Variants in MYLK observed in about 807,000 individuals in gnomAD.
MYLK encodes myosin light chain kinase, also known as myosin light chain kinase, smooth muscle.
A neutral mutation model predicts 203.4 loss-of-function variants in MYLK; 106 were observed. The ratio of observed to expected loss-of-function variants is 0.52; its 90% CI spans 0.45 to 0.61. The LOEUF is 0.61. Ranked by LOEUF, MYLK falls within the 20% of genes least tolerant of loss-of-function variation. MYLK has a pLI of 0.00. For synonymous variants in MYLK, 867 were observed against 959.5 expected, an observed-to-expected ratio of 0.90 and a Z score of 1.78; for missense variants, 2,072 against 2,442.3, an observed-to-expected ratio of 0.85 and a Z score of 3.20.
rs548470016 is a variant in MYLK, at chr3:123,881,509, G to C, written c.-186+2697C>G. On this transcript the variant is annotated intron_variant, in intron 1 of 33. Transcript: ENST00000360304. ...GTGTGGGTTGGTTTGAGCTGTGAGA[G>C]GTGCAGCTGGGCTTCCAAGTAGGCT... 1.2e-4 allele frequency among the ~76,000 whole-genome samples: 18 copies of C among 152,268 alleles called. No homozygotes were observed. In the East Asian group the frequency reaches 3.5e-3, roughly 29 times the overall value.
Position 123,784,799 on chromosome 3 carries a change from T to G in MYLK, c.165+8878A>C, listed in dbSNP as rs113761527. Reference sequence around the variant, plus strand: ...AGGTGGCTTCTGTGGATTTTCTACCTCTTGGGAGTAGTCCTATCTCCCTGA... The same window carrying G: ...AGGTGGCTTCTGTGGATTTTCTACCGCTTGGGAGTAGTCCTATCTCCCTGA... On this transcript the variant is annotated intron_variant, in intron 4 of 33. Transcript: ENST00000360304. 5.0e-3 allele frequency among the ~76,000 whole-genome samples: 762 copies of G among 152,330 alleles called. 10 individuals are homozygous for G. The highest frequency in any genetic ancestry group is 0.018 in the African/African-American group (728 of 41,574).
At chr3:123,614,783 T>C (rs1003621176) in intron 33 of MYLK, among the ~76,000 whole-genome samples, 7 of 150,932 alleles carry the variant, frequency 4.6e-5, no homozygotes, top group Non-Finnish European at 1.0e-4. Flanking sequence ...TGAGCGACCG[T>C]GCTCAGTTAA....
intron 5 of MYLK, among the ~76,000 whole-genome samples, chr3:123,740,455 C>G (rs1299681530): frequency 6.6e-6 from 1 of 152,224 alleles, no homozygotes; most frequent in African/African-American, 2.4e-5. Context: ...AAGGCCCATG[C>G]CTATCTCTTA....
chr3:123,784,697 A>G (rs1292787051), intron 4 of MYLK, among the ~76,000 whole-genome samples: 4 of 152,210 alleles, frequency 2.6e-5, no homozygotes, highest in Non-Finnish European at 4.4e-5. Context: ...TATATTGTAT[A>G]AATGTTGTTT....
chr3:123,788,582 C>T (rs1455604040), intron 4 of MYLK, among the ~76,000 whole-genome samples: 1 of 143,954 alleles, frequency 6.9e-6, no homozygotes, highest in Admixed American at 7.1e-5. Flanking sequence ...GTTCCCCTTC[C>T]TGTGTCCATG....
intron 20 of MYLK, among the ~76,000 whole-genome samples, chr3:123,680,669 G>A (rs1165976050): frequency 6.6e-6 from 1 of 152,174 alleles, no homozygotes; most frequent in Non-Finnish European, 1.5e-5. Context: ...CAACAGCCTG[G>A]CTGGGGTATG....
At chr3:123,749,798 G>T (rs1246893589) in intron 5 of MYLK, among the ~76,000 whole-genome samples, 4 of 152,228 alleles carry the variant, frequency 2.6e-5, no homozygotes, top group Non-Finnish European at 5.9e-5. Context: ...TCCATAGTTA[G>T]AAATTAGTAG....
At chr3:123,706,422 A>G (rs1464312580) in intron 16 of MYLK, among the ~76,000 whole-genome samples, 1 of 152,098 alleles carries the variant, frequency 6.6e-6, no homozygotes, top group Non-Finnish European at 1.5e-5. Flanking sequence ...GCATGGGGAG[A>G]TGATAAAGTA....
intron 2 of MYLK, among the ~76,000 whole-genome samples, chr3:123,863,721 C>T (rs569495964): frequency 2.9e-4 from 44 of 152,008 alleles, no homozygotes; most frequent in South Asian, 2.7e-3. Context: ...ATGTTGATGA[C>T]GATGTGAAGC....
intron 4 of MYLK, among the ~76,000 whole-genome samples, chr3:123,759,550 G>A (rs2063468522): frequency 6.6e-6 from 1 of 152,200 alleles, no homozygotes; most frequent in Non-Finnish European, 1.5e-5. Context: ...CCTCTCCTTT[G>A]GAGGAAGTGC....
chr3:123,791,229 G>A (rs2064767734), intron 4 of MYLK, among the ~76,000 whole-genome samples: 1 of 152,176 alleles, frequency 6.6e-6, no homozygotes, highest in African/African-American at 2.4e-5. Context: ...GCCCAATAGG[G>A]AACTGCAAGT....
intron 29 of MYLK, among the ~76,000 whole-genome samples, chr3:123,632,947 C>T (rs1321831185): frequency 1.3e-5 from 2 of 151,728 alleles, no homozygotes; most frequent in African/African-American, 4.8e-5. Context: ...AGGTGCGCGC[C>T]AACACACCTG....
chr3:123,684,380 A>G (rs573897545), intron 19 of MYLK, among the ~76,000 whole-genome samples: 25 of 152,298 alleles, frequency 1.6e-4, no homozygotes, highest in African/African-American at 5.8e-4. Flanking sequence ...AACCTAGCAG[A>G]GCCTCCCCTT....
intron 8 of MYLK, among the ~76,000 whole-genome samples, chr3:123,737,075 C>T (rs1168142010): frequency 3.3e-5 from 5 of 152,114 alleles, no homozygotes; most frequent in African/African-American, 7.2e-5. Flanking sequence ...AAAAATCAGC[C>T]GGGCGTGGTG....
intron 20 of MYLK, among the ~76,000 whole-genome samples, chr3:123,677,656 G>A (rs563217061): frequency 6.6e-6 from 1 of 151,860 alleles, no homozygotes; most frequent in South Asian, 2.1e-4. Flanking sequence ...AGGAGAAAAA[G>A]ATAGCCACAA....
At chr3:123,745,870 A>G (rs2062998035) in intron 5 of MYLK, among the ~76,000 whole-genome samples, 1 of 152,134 alleles carries the variant, frequency 6.6e-6, no homozygotes, top group East Asian at 1.9e-4. Flanking sequence ...TTTTTTACGT[A>G]TTTTTGAGAT....
chr3:123,771,536 T>C (rs2063883785), intron 4 of MYLK, among the ~76,000 whole-genome samples: 1 of 152,214 alleles, frequency 6.6e-6, no homozygotes, highest in Non-Finnish European at 1.5e-5. Flanking sequence ...TCCTTCGGCT[T>C]GTTCTAGTCT....
At chr3:123,679,942 G>T (rs1044870759) in intron 20 of MYLK, among the ~76,000 whole-genome samples, 2 of 152,126 alleles carry the variant, frequency 1.3e-5, no homozygotes, top group Admixed American at 6.5e-5. Flanking sequence ...TGGGCACCAG[G>T]TTTCTCCCTG....
Position 123,793,976 on chromosome 3 carries a change from C to T in MYLK, c.-3-132G>A, listed in dbSNP as rs1031091678. Reference sequence around the variant, plus strand: ...GCAGATCCCCAGTTAGGTCAGTGTCCACCCACAGCTCCTCTGTGAAGATGA... The same window carrying T: ...GCAGATCCCCAGTTAGGTCAGTGTCTACCCACAGCTCCTCTGTGAAGATGA... On this transcript the variant is annotated intron_variant, in intron 3 of 33. Transcript: ENST00000360304. 2.4e-5 allele frequency: 22 copies of T among 915,532 alleles called. No homozygotes were observed. The Admixed American group carries it at 4.1e-4, about 17-fold the overall frequency. The allele number at this position is 915,532 out of a possible 1,614,324, so 56.7% of individuals were successfully genotyped here.
Sources: gnomAD v4.1 joint callset for allele counts (sites outside exome capture counted in the v4.1 genomes callset) on GRCh38, gnomAD v4.1.1 for gene constraint, MANE v1.5 for transcripts, NCBI Gene and HGNC (gene_info 2026-07-23, HGNC 2026-07-21) for gene names.